ASXL2: variants seen among roughly 807,000 people sequenced by gnomAD.
ASXL2 encodes the protein ASXL transcriptional regulator 2.
A neutral mutation model predicts 122.0 loss-of-function variants in ASXL2; 23 were observed. The ratio of observed to expected loss-of-function variants is 0.19; its 90% CI spans 0.14 to 0.27. The LOEUF (loss-of-function observed/expected upper bound fraction) is 0.27, where lower values mean the gene tolerates loss of function less well. Among genes scored for constraint, ASXL2 ranks in the 10% least tolerant of loss-of-function variants. ASXL2 has a pLI of 1.00. For synonymous variants in ASXL2, 650 were observed against 637.0 expected (o/e 1.02, Z -0.31); for missense variants, 1,518 against 1,713.8 (o/e 0.89, Z 2.02).
intron 3 of ASXL2, among the ~76,000 whole-genome samples, chr2:25,832,929 G>T (rs1301981297): frequency 1.3e-5 from 2 of 152,034 alleles, no homozygotes; most frequent in East Asian, 1.9e-4. Flanking sequence ...GCTGCGGGGG[G>T]AGCCAATCCC....
At chr2:25,870,497 G>A (rs1450270577) in intron 1 of ASXL2, among the ~76,000 whole-genome samples, 2 of 151,992 alleles carry the variant, frequency 1.3e-5, no homozygotes, top group African/African-American at 2.4e-5. Flanking sequence ...GCAGTCTGTC[G>A]CCAGGCTCCG....
At chr2:25,828,701 TG>T (rs2149185287) in intron 3 of ASXL2, among the ~76,000 whole-genome samples, 1 of 150,908 alleles carries the variant, frequency 6.6e-6, no homozygotes, top group African/African-American at 2.4e-5. Flanking sequence ...GGCAGGCACC[TG>T]TAATCCCAGC....
Position 25,740,571 on chromosome 2 carries a change from A to G in ASXL2, c.*1458T>C, listed in dbSNP as rs886872285. On this transcript the variant is annotated 3_prime_UTR_variant, in exon 13 of 13. Transcript: ENST00000435504. ...AGGTTTATTTTAATGTTCCTTAACC[A>G]TGACCTAAATATTATGTACTCACAA... The G allele has an allele frequency of 1.3e-5, 3 of 229,934 alleles. No individual in the cohort carries two copies. Among genetic ancestry groups the G allele is most frequent in the South Asian group, 1.8e-4 (1 of 5,504 alleles). The allele number at this position is 229,934 out of a possible 1,614,324, so 14.2% of individuals were successfully genotyped here.
chr2:25,764,891 G>A (rs573016474), intron 8 of ASXL2, among the ~76,000 whole-genome samples: 96 of 152,244 alleles, frequency 6.3e-4, no homozygotes, highest in African/African-American at 2.1e-3. Context: ...ACTACTGACT[G>A]AACTGTGTTC....
intron 11 of ASXL2, among the ~76,000 whole-genome samples, chr2:25,751,016 T>C (rs757373753): frequency 4.6e-5 from 7 of 152,210 alleles, no homozygotes; most frequent in Non-Finnish European, 8.8e-5. Context: ...TCCCACTTGG[T>C]TTAGCTCTAA....
intron 3 of ASXL2, among the ~76,000 whole-genome samples, chr2:25,831,302 C>CAAA (rs943377385): frequency 2.1e-4 from 13 of 62,510 alleles, no homozygotes; most frequent in African/African-American, 7.9e-4. Context: ...GACTCCGTCT[C>CAAA]AAAAAAAAAA....
At chr2:25,784,090 T>TAAAC (rs2088695984) in intron 5 of ASXL2, among the ~76,000 whole-genome samples, 2 of 130,564 alleles carry the variant, frequency 1.5e-5, no homozygotes, top group Admixed American at 1.5e-4. Flanking sequence ...AATAAATAAA[T>TAAAC]AAATAAATAT....
Position 25,756,022 on chromosome 2 carries a change from T to C in ASXL2, c.1032A>G (p.Ser344=). 1 of 1,612,804 alleles carries C rather than the reference T, an allele frequency of 6.2e-7. No individual in the cohort carries two copies. Among genetic ancestry groups the C allele is most frequent in the Non-Finnish European group, 8.5e-7 (1 of 1,178,868 alleles). ...CACATTAAGTAGAGCACTTACCTTC[T>C]GAGAGTCTTTCCTTCCAGCCTTGGG... ...SAAQGWKERL[S]EGEFTPEMQV... The change falls in exon 10 of 13, where the codon TCA becomes TCG. Residue 344 remains serine (S), a synonymous_variant. Coordinates refer to ENST00000435504, the MANE Select transcript of ASXL2 (RefSeq NM_018263.6).
At position 25,826,199 on chromosome 2, in the gene ASXL2, C is replaced by T. The variant is rs376568206; in HGVS notation, c.143+9339G>A. On this transcript the variant is annotated intron_variant, in intron 3 of 12. Coordinates refer to ENST00000435504, the MANE Select transcript of ASXL2 (RefSeq NM_018263.6). The stretch of plus-strand genomic sequence containing the variant: ...AATCTGGGGGGCTCTTTGTTTTCCT[C>T]TGCAATGTTTGAATTTTGAAACTGA... Among the ~76,000 whole-genome samples, 90 of 152,306 alleles carry T rather than the reference C, an allele frequency of 5.9e-4. 1 individual carries two copies. The South Asian group carries it at 0.018, about 30-fold the overall frequency.
chr2:25,863,883 G>A (rs2089866854), intron 1 of ASXL2, among the ~76,000 whole-genome samples: 1 of 151,256 alleles, frequency 6.6e-6, no homozygotes, highest in Non-Finnish European at 1.5e-5. Flanking sequence ...GCAGGTGACT[G>A]TAATCCCAGC....
rs541706231 is a variant in ASXL2 at position 25,856,096 on chromosome 2, C to T, written c.58-10533G>A. On this transcript the variant is annotated intron_variant, in intron 1 of 12. Transcript: ENST00000435504. ...TTTTTGAGACGGAGTCTCACTTTGTCGCCAGGCTGGAGTGCAGCAGTGCAA... is the reference window on the plus strand; with the variant it reads ...TTTTTGAGACGGAGTCTCACTTTGTTGCCAGGCTGGAGTGCAGCAGTGCAA... 2.6e-4 allele frequency among the ~76,000 whole-genome samples: 40 copies of T among 151,186 alleles called. No individual in the cohort carries two copies. The South Asian group carries it at 7.8e-3, about 29-fold the overall frequency.
At chr2:25,833,032 G>A (rs916016422) in intron 3 of ASXL2, among the ~76,000 whole-genome samples, 1 of 152,066 alleles carries the variant, frequency 6.6e-6, no homozygotes, top group Non-Finnish European at 1.5e-5. Flanking sequence ...GGGGGCAAGG[G>A]GTACTAGGGA....
chr2:25,856,721 C>T (rs1038001390), intron 1 of ASXL2: 6 of 1,284,108 alleles, frequency 4.7e-6, no homozygotes, highest in African/African-American at 1.5e-5. Flanking sequence ...ATTCAGTCAC[C>T]GAGCCGATCT....
chr2:25,876,824 C>T (rs2090012834), intron 1 of ASXL2, among the ~76,000 whole-genome samples: 1 of 152,108 alleles, frequency 6.6e-6, no homozygotes, highest in African/African-American at 2.4e-5. Flanking sequence ...TTTACATTTC[C>T]AACTAAGAGA....
intron 3 of ASXL2, among the ~76,000 whole-genome samples, chr2:25,829,350 A>C (rs1007317570): frequency 7.9e-5 from 12 of 152,148 alleles, no homozygotes; most frequent in Non-Finnish European, 1.5e-4. Context: ...AGTATTAGTG[A>C]GGAAAACAAA....
intron 1 of ASXL2, among the ~76,000 whole-genome samples, chr2:25,875,518 A>C (rs1400331005): frequency 6.6e-6 from 1 of 151,916 alleles, no homozygotes; most frequent in East Asian, 1.9e-4. Context: ...ATAATTATGA[A>C]TCTTATTATT....
chr2:25,826,917 C>T (rs2089385186), intron 3 of ASXL2, among the ~76,000 whole-genome samples: 1 of 151,542 alleles, frequency 6.6e-6, no homozygotes, highest in Non-Finnish European at 1.5e-5. Flanking sequence ...GCCTTGAATT[C>T]CTAAGCTCAA....
chr2:25,845,603 C>CAAGTTATTAT, intron 1 of ASXL2, 40 bp from the exon 2 acceptor site: 1 of 907,750 alleles, frequency 1.1e-6, no homozygotes, highest in Non-Finnish European at 1.5e-6. Flanking sequence ...TTTCTTATTT[C>CAAGTTATTAT]AAGTTATTAT....
At chr2:25,870,076 T>C (rs1044531412) in intron 1 of ASXL2, among the ~76,000 whole-genome samples, 2 of 151,930 alleles carry the variant, frequency 1.3e-5, no homozygotes, top group African/African-American at 4.8e-5. Flanking sequence ...GAAAGAAGCA[T>C]TCGTTAACTT....
Sources: gnomAD v4.1 joint callset for allele counts (sites outside exome capture counted in the v4.1 genomes callset) on GRCh38, gnomAD v4.1.1 for gene constraint, MANE v1.5 for transcripts, NCBI Gene and HGNC (gene_info 2026-07-23, HGNC 2026-07-21) for gene names.